The following TET3 variants were observed in gnomAD, a reference collection of about 807,000 sequenced individuals.
The protein encoded by TET3 is methylcytosine dioxygenase TET3.
Under a neutral mutation model 141.4 loss-of-function variants are expected in TET3, and 19 were observed. The observed-to-expected ratio is 0.13, with a 90% CI of 0.09 to 0.20. TET3 has a LOEUF of 0.20. Among genes scored for constraint, TET3 ranks in the 10% least tolerant of loss-of-function variants. The probability of loss-of-function intolerance (pLI) is 1.00; values close to 1 mark genes in which losing one functional copy is unlikely to be tolerated. For missense variants in TET3, 1,874 were observed against 2,356.9 expected (o/e 0.80, Z 4.24); for synonymous variants, 1,043 against 980.9 (o/e 1.06, Z -1.18).
At position 74,100,903 on chromosome 2, in the gene TET3, C is replaced by T. The variant is rs775353236; in HGVS notation, c.4115C>T (p.Ala1372Val). 3 of 1,608,986 alleles carry T rather than the reference C, an allele frequency of 1.9e-6. No individual in the cohort carries two copies. Among genetic ancestry groups the T allele is most frequent in the Non-Finnish European group, 1.7e-6 (2 of 1,177,894 alleles). Residue 1372 changes from alanine to valine, a missense_variant, in exon 12 of 12, where the codon GCC becomes GTC. Physicochemically the swap from Ala to Val is moderately conservative, Grantham distance 64 (BLOSUM62 0). This residue lies in a region of TET3 where 602 missense variants were observed against 590.2 expected (regional missense o/e 1.02). Coordinates refer to ENST00000409262, the MANE Select transcript of TET3 (RefSeq NM_001287491.2). ...PGPKEYLLPKAPLLHSVSRDP... is the reference protein window; with the variant it reads ...PGPKEYLLPKVPLLHSVSRDP... The stretch of plus-strand genomic sequence containing the variant: ...CCCAAGGAGTATCTGCTTCCCAAGG[C>T]CCCCCTACTCCACTCAGTGTCCAGG...
chr2:74,092,543 G>A (rs774312167), intron 8 of TET3, among the ~76,000 whole-genome samples: 14 of 152,108 alleles, frequency 9.2e-5, no homozygotes, highest in Non-Finnish European at 1.5e-4. Context: ...GTTGCTCTTG[G>A]CTTTTTCAGT....
At position 74,059,704 on chromosome 2, in the gene TET3, G is replaced by A. The variant is rs1209823524; in HGVS notation, c.2494+11293G>A. On this transcript the variant is annotated intron_variant, in intron 4 of 11. Coordinates refer to ENST00000409262, the MANE Select transcript of TET3 (RefSeq NM_001287491.2). The stretch of plus-strand genomic sequence containing the variant: ...TGGGACTACAGGCACATGCCACTGT[G>A]CCTGGCTAATTTGTAAATTTTTTTT... Among the ~76,000 whole-genome samples, 5 of 152,174 alleles carry A rather than the reference G, an allele frequency of 3.3e-5. No individual in the cohort carries two copies. The East Asian group carries it at 9.6e-4, about 29-fold the overall frequency.
chr2:73,992,905 A>G (rs1183931616), intron 2 of TET3, among the ~76,000 whole-genome samples: 1 of 152,228 alleles, frequency 6.6e-6, no homozygotes, highest in Non-Finnish European at 1.5e-5. Flanking sequence ...AGCTGAGGCA[A>G]ATGAACAGAT....
intron 3 of TET3, among the ~76,000 whole-genome samples, chr2:74,042,015 T>G (rs1279287673): frequency 6.6e-6 from 1 of 152,230 alleles, no homozygotes; most frequent in Non-Finnish European, 1.5e-5. Flanking sequence ...AAGTGAGCCT[T>G]CTCTATCATT....
At chr2:74,126,500 ATTTTT>A in the TET3 span, among the ~76,000 whole-genome samples, 4 of 120,978 alleles carry the variant, frequency 3.3e-5, no homozygotes, top group Non-Finnish European at 6.6e-5. Context: ...TATTTGCTGG[ATTTTT>A]TTTTTTTTTT....
At chr2:74,022,961 A>G (rs1686134951) in intron 3 of TET3, among the ~76,000 whole-genome samples, 1 of 151,632 alleles carries the variant, frequency 6.6e-6, no homozygotes, top group Non-Finnish European at 1.5e-5. Flanking sequence ...TTTTTTGTGG[A>G]GATGGGGTTT....
At chr2:73,989,000 T>G (rs937075047) in intron 2 of TET3, among the ~76,000 whole-genome samples, 6 of 71,764 alleles carry the variant, frequency 8.4e-5, no homozygotes, top group South Asian at 3.4e-4. Context: ...GTTTTTTTTG[T>G]TTTTTTTTTT....
At chr2:74,033,447 A>G (rs558972006) in intron 3 of TET3, among the ~76,000 whole-genome samples, 1 of 152,356 alleles carries the variant, frequency 6.6e-6, no homozygotes, top group Non-Finnish European at 1.5e-5. Context: ...TAATAAGTAC[A>G]TTCTCAAGTT....
At chr2:74,080,384 C>A in intron 5 of TET3, 114 bp from the exon 6 acceptor site, 1 of 867,628 alleles carries the variant, frequency 1.2e-6, no homozygotes, top group Non-Finnish European at 1.9e-6. Context: ...TCTCTGTTGC[C>A]CCCGACGGTA....
chr2:74,074,903 G>C (rs900462604), intron 5 of TET3, among the ~76,000 whole-genome samples: 2 of 151,674 alleles, frequency 1.3e-5, no homozygotes, highest in African/African-American at 4.8e-5. Flanking sequence ...AGACGGAGTC[G>C]TGCTGTCACC....
rs1248410549 is a variant in TET3 at position 74,046,555 on chromosome 2, A to T, written c.638A>T (p.Tyr213Phe). 1 of 1,613,836 alleles carries T rather than the reference A, an allele frequency of 6.2e-7. No homozygotes were observed. Residue 213 changes from tyrosine (Y) to phenylalanine (F), a missense_variant, in exon 4 of 12, where the codon TAT becomes TTT. Physicochemically the swap from Tyr to Phe is conservative, Grantham distance 22. Around this residue, in one of 10 missense-constraint regions of TET3, gnomAD observed 366 missense variants for 487.0 expected, o/e 0.75. Transcript: ENST00000409262. The surrounding 1 kb of genome is among the most constrained non-coding windows in gnomAD (Gnocchi z 4.3). ...GCTGTGGCCGAAGCTGTGTCCTCTT[A>T]TGGGGCCCTTAGCACCCGGCTCTAT... Reference protein sequence around the residue: ...FSAVAEAVSSYGALSTRLYET... With the variant: ...FSAVAEAVSSFGALSTRLYET...
the TET3 span, among the ~76,000 whole-genome samples, chr2:74,123,371 C>T: frequency 6.6e-6 from 1 of 152,248 alleles, no homozygotes; most frequent in East Asian, 1.9e-4. Flanking sequence ...GTAATCCCAG[C>T]ACTTTGGGAG....
Position 74,101,113 on chromosome 2 carries a change from C to T in TET3, c.4325C>T (p.Pro1442Leu). The change falls in exon 12 of 12, where the codon CCA (proline) becomes CTA (leucine). Residue 1442 changes from proline (P) to leucine (L), a missense_variant. Physicochemically the swap from Pro to Leu is moderately conservative, Grantham distance 98. Coordinates refer to ENST00000409262, the MANE Select transcript of TET3 (RefSeq NM_001287491.2). The surrounding 1 kb of genome is among the most constrained non-coding windows in gnomAD (Gnocchi z 8.5). ...CTTTGGGGACAGTACTCAGGAGGCC[C>T]AAGCATGTCCCCCAAGAGGACTAAC... is the stretch of plus-strand genomic sequence containing the variant. Reference protein sequence around the residue: ...SHLWGQYSGGPSMSPKRTNGV... With the variant: ...SHLWGQYSGGLSMSPKRTNGV... 6.2e-7 allele frequency: 1 copy of T among 1,613,522 alleles called. No individual in the cohort carries two copies. Among genetic ancestry groups the T allele is most frequent in the South Asian group, 1.1e-5 (1 of 90,978 alleles).
At position 74,101,733 on chromosome 2, in the gene TET3, G is replaced by A. The variant is rs1389810257; in HGVS notation, c.4945G>A (p.Glu1649Lys). 6 of 1,613,418 alleles carry A rather than the reference G, an allele frequency of 3.7e-6. No homozygotes were observed. Among genetic ancestry groups the A allele is most frequent in the Non-Finnish European group, 5.1e-6 (6 of 1,179,900 alleles). The stretch of plus-strand genomic sequence containing the variant: ...GGACAGTGAACACAACTTCCTGGAC[G>A]AGAACATCGGCGGCGTGGCCGTGGC... ...WSDSEHNFLD[E>K]NIGGVAVAPA... The change falls in exon 12 of 12, where the codon GAG (glutamate) becomes AAG (lysine). Residue 1649 changes from glutamate (E) to lysine (K), a missense_variant. Around this residue, in one of 10 missense-constraint regions of TET3, gnomAD observed 41 missense variants for 116.8 expected, o/e 0.35. Coordinates refer to ENST00000409262, the MANE Select transcript of TET3 (RefSeq NM_001287491.2). The surrounding 1 kb of genome is among the most constrained non-coding windows in gnomAD (Gnocchi z 8.5).
At chr2:74,080,877 A>G (rs1689778642) in intron 6 of TET3, among the ~76,000 whole-genome samples, 1 of 152,132 alleles carries the variant, frequency 6.6e-6, no homozygotes. Flanking sequence ...GTTAGTCTTC[A>G]CACTCGGCTC....
chr2:74,080,689 C>A, intron 6 of TET3, 98 bp downstream of exon 6: 11 of 786,306 alleles, frequency 1.4e-5, no homozygotes, highest in South Asian at 5.1e-5. Context: ...TGTAGCTGAG[C>A]AGGCGAGGGC....
chr2:73,985,466 C>G (rs1394943493), intron 1 of TET3, among the ~76,000 whole-genome samples: 2 of 143,702 alleles, frequency 1.4e-5, no homozygotes, highest in African/African-American at 5.0e-5. Context: ...CCGCGCCCCT[C>G]GGCGGCGCGG....
At chr2:74,007,752 C>T (rs1685217915) in intron 3 of TET3, among the ~76,000 whole-genome samples, 1 of 152,188 alleles carries the variant, frequency 6.6e-6, no homozygotes, top group Admixed American at 6.5e-5. Context: ...GAGGGGATTG[C>T]CTTCCAAAGT....
the TET3 span, among the ~76,000 whole-genome samples, chr2:74,120,373 C>A: frequency 1.3e-5 from 2 of 152,252 alleles, no homozygotes; most frequent in Non-Finnish European, 2.9e-5. Flanking sequence ...AGATGGCGGG[C>A]GACGTCCGTA....
Sources: allele counts gnomAD v4.1 joint callset (sites outside exome capture counted in the v4.1 genomes callset), GRCh38; gene constraint gnomAD v4.1.1; regional missense constraint gnomAD v4.1.1; non-coding constraint Gnocchi (gnomAD v3.1); transcripts MANE v1.5; gene names NCBI Gene and HGNC (gene_info 2026-07-23, HGNC 2026-07-21).